Variants in TCF7L2 observed in about 807,000 individuals in gnomAD.
TCF7L2 encodes the protein transcription factor 7 like 2.
In TCF7L2, 23 loss-of-function variants were observed where a neutral mutation model predicts 77.9. The observed-to-expected ratio is 0.30, with a 90% CI of 0.21 to 0.42. The LOEUF (loss-of-function observed/expected upper bound fraction) is 0.42, where lower values mean the gene tolerates loss of function less well. Among genes scored for constraint, TCF7L2 ranks in the 10% least tolerant of loss-of-function variants. The pLI, the probability that TCF7L2 is intolerant of heterozygous loss-of-function variation, is 1.00. For synonymous variants in TCF7L2, 413 were observed against 340.2 expected (o/e 1.21, Z -2.36); for missense variants, 654 against 793.1 (o/e 0.82, Z 2.11).
intron 5 of TCF7L2, among the ~76,000 whole-genome samples, chr10:113,047,074 G>A (rs1452989813): frequency 6.6e-6 from 1 of 152,012 alleles, no homozygotes; most frequent in Admixed American, 6.5e-5. Context: ...CATATTGTTG[G>A]GTCTTTAGAT....
At chr10:112,992,538 G>A (rs2042753114) in intron 4 of TCF7L2, among the ~76,000 whole-genome samples, 1 of 152,126 alleles carries the variant, frequency 6.6e-6, no homozygotes, top group Non-Finnish European at 1.5e-5. Flanking sequence ...CAGGGCCTAC[G>A]GGAGCCGGAG....
intron 5 of TCF7L2, among the ~76,000 whole-genome samples, chr10:113,137,693 G>A (rs1161592914): frequency 2.0e-5 from 3 of 152,196 alleles, no homozygotes; most frequent in East Asian, 1.9e-4. Flanking sequence ...TTTAAAGAGC[G>A]CCAACATTTA....
At chr10:112,980,788 G>A (rs538532944) in intron 4 of TCF7L2, among the ~76,000 whole-genome samples, 22 of 152,048 alleles carry the variant, frequency 1.4e-4, no homozygotes, top group African/African-American at 5.3e-4. Flanking sequence ...CACCACGCCC[G>A]GCTAATTTTT....
At chr10:113,104,589 C>T (rs1045791796) in intron 5 of TCF7L2, among the ~76,000 whole-genome samples, 2 of 152,176 alleles carry the variant, frequency 1.3e-5, no homozygotes, top group African/African-American at 4.8e-5. Context: ...CCATACTCTA[C>T]AATTCTAGGA....
chr10:113,044,728 G>A (rs964965228), intron 5 of TCF7L2, among the ~76,000 whole-genome samples: 1 of 152,234 alleles, frequency 6.6e-6, no homozygotes, highest in African/African-American at 2.4e-5. Flanking sequence ...GAAGGGATAG[G>A]AGAAGGGATG....
intron 4 of TCF7L2, among the ~76,000 whole-genome samples, chr10:112,992,569 C>T (rs1272934013): frequency 6.6e-6 from 1 of 152,024 alleles, no homozygotes; most frequent in Admixed American, 6.6e-5. Context: ...GCTAAGATTG[C>T]GTTATCTTTA....
intron 4 of TCF7L2, among the ~76,000 whole-genome samples, chr10:112,977,883 G>A (rs1273200201): frequency 6.6e-6 from 1 of 152,328 alleles, no homozygotes; most frequent in Non-Finnish European, 1.5e-5. Flanking sequence ...TCGGGGAGCA[G>A]CGCTGTGTAA....
At position 113,165,922 on chromosome 10, in the gene TCF7L2, GC is replaced by G; in HGVS notation, c.1761del (p.Thr589ProfsTer13). The G allele has an allele frequency of 1.3e-6, 2 of 1,570,292 alleles. No individual in the cohort carries two copies. Among genetic ancestry groups the G allele is most frequent in the Non-Finnish European group, 1.7e-6 (2 of 1,156,046 alleles). ...TTCCTTACATTCCCACAGCTCCCTG[GC>G]CGGGACCCAGCCCCAGCCGCTGTCG... On this transcript the variant is annotated frameshift_variant, in exon 14 of 14. Coordinates refer to ENST00000627217, the MANE Select transcript of TCF7L2 (RefSeq NM_001146274.2). LOFTEE classifies it high-confidence loss of function.
At chr10:113,053,644 C>T (rs953715620) in intron 5 of TCF7L2, among the ~76,000 whole-genome samples, 1 of 152,110 alleles carries the variant, frequency 6.6e-6, no homozygotes, top group Non-Finnish European at 1.5e-5. Flanking sequence ...ACTTAGAGGT[C>T]TAGTGACATA....
In TCF7L2 at chr10:113,115,917, G is replaced by A. The variant is rs376297987; in HGVS notation, c.553-25267G>A. Among the ~76,000 whole-genome samples, 503 of 152,148 alleles carry A rather than the reference G, an allele frequency of 3.3e-3. 3 individuals carry two copies. Among genetic ancestry groups the A allele is most frequent in the African/African-American group, 0.012 (481 of 41,516 alleles). On this transcript the variant is annotated intron_variant, in intron 5 of 13. Transcript: ENST00000627217. ...GTCACGTCATATTTGATTTCATAAA[G>A]TTAAAAATAGAAACCTCAAACAATA...
At chr10:112,992,903 A>C (rs191879035) in intron 4 of TCF7L2, among the ~76,000 whole-genome samples, 65 of 151,890 alleles carry the variant, frequency 4.3e-4, no homozygotes, top group African/African-American at 1.5e-3. Flanking sequence ...AGCTGGGATT[A>C]CAGGTGCCTG....
chr10:113,073,828 G>T (rs908044785), intron 5 of TCF7L2, among the ~76,000 whole-genome samples: 1 of 152,242 alleles, frequency 6.6e-6, no homozygotes, highest in Non-Finnish European at 1.5e-5. Context: ...TGGCCCTGCT[G>T]CCTGCCGCCC....
chr10:113,028,706 G>A (rs552619512), intron 4 of TCF7L2, among the ~76,000 whole-genome samples: 2 of 152,290 alleles, frequency 1.3e-5, no homozygotes, highest in East Asian at 1.9e-4. Context: ...TTTTGTTGTT[G>A]TGGAATGGGG....
chr10:112,959,893 G>A (rs1189354027), intron 3 of TCF7L2, among the ~76,000 whole-genome samples: 1 of 152,056 alleles, frequency 6.6e-6, no homozygotes, highest in Non-Finnish European at 1.5e-5. Context: ...TAATTACATG[G>A]AAATTAGATT....
rs1298269752 is a variant in TCF7L2 at position 113,156,120 on chromosome 10, T to C, written c.1270-1901T>C. The stretch of plus-strand genomic sequence containing the variant: ...GTTCTCGAGTTTCTTTCTTTCTTTT[T>C]TTTTTTTTTTTTTGAGACTGAGTCT... On this transcript the variant is annotated intron_variant, in intron 11 of 13. Transcript: ENST00000627217. Among the ~76,000 whole-genome samples the C allele has an allele frequency of 5.7e-4, 86 of 150,248 alleles. 1 individual carries two copies. In the East Asian group the frequency reaches 0.015, roughly 27 times the overall value.
chr10:113,097,388 C>A (rs1481527966), intron 5 of TCF7L2, among the ~76,000 whole-genome samples: 1 of 152,164 alleles, frequency 6.6e-6, no homozygotes, highest in Non-Finnish European at 1.5e-5. Flanking sequence ...CACGGTGGCT[C>A]ACGCCTATAA....
intron 4 of TCF7L2, among the ~76,000 whole-genome samples, chr10:112,984,176 T>A (rs373573758): frequency 7.9e-5 from 12 of 152,340 alleles, no homozygotes; most frequent in African/African-American, 2.9e-4. Context: ...GTCAATAGAC[T>A]TTCCCCCCGT....
chr10:113,031,714 C>T (rs1440103536), intron 4 of TCF7L2, among the ~76,000 whole-genome samples: 2 of 152,146 alleles, frequency 1.3e-5, no homozygotes, highest in Non-Finnish European at 2.9e-5. Flanking sequence ...TCTCGAACTA[C>T]TGACCTCAAA....
At chr10:113,071,090 A>G (rs375699428) in intron 5 of TCF7L2, among the ~76,000 whole-genome samples, 9 of 152,168 alleles carry the variant, frequency 5.9e-5, no homozygotes, top group African/African-American at 1.7e-4. Flanking sequence ...AGGGTTTTTG[A>G]TGGAATCTTA....
Sources: allele counts gnomAD v4.1 joint callset (sites outside exome capture counted in the v4.1 genomes callset), GRCh38; gene constraint gnomAD v4.1.1; transcripts MANE v1.5; gene names NCBI Gene and HGNC (gene_info 2026-07-23, HGNC 2026-07-21).